ASXL2: variants seen among roughly 807,000 people sequenced by gnomAD.
The protein encoded by ASXL2 is ASXL transcriptional regulator 2.
Under a neutral mutation model 122.0 loss-of-function variants are expected in ASXL2, and 23 were observed. The ratio of observed to expected loss-of-function variants is 0.19; its 90% CI spans 0.14 to 0.27. The LOEUF (loss-of-function observed/expected upper bound fraction) is 0.27, where lower values mean the gene tolerates loss of function less well. ASXL2 is among the 10% of genes least tolerant of loss of function. The probability of loss-of-function intolerance (pLI) is 1.00; values close to 1 mark genes in which losing one functional copy is unlikely to be tolerated. For synonymous variants in ASXL2, 650 were observed against 637.0 expected, an observed-to-expected ratio of 1.02 and a Z score of -0.31; for missense variants, 1,518 against 1,713.8, an observed-to-expected ratio of 0.89 and a Z score of 2.02.
intron 2 of ASXL2, among the ~76,000 whole-genome samples, chr2:25,838,094 CAAAAAGAAAGAAAG>C (rs2089534917): frequency 6.6e-6 from 1 of 151,932 alleles, no homozygotes; most frequent in Non-Finnish European, 1.5e-5. Context: ...GAGACTATCT[CAAAAAGAAAGAAAG>C]AAAAAGAAAG....
At chr2:25,770,769 T>C (rs1332223831) in intron 6 of ASXL2, among the ~76,000 whole-genome samples, 1 of 152,146 alleles carries the variant, frequency 6.6e-6, no homozygotes, top group African/African-American at 2.4e-5. Flanking sequence ...TGTGTGTAAT[T>C]CTCTGTGTTA....
chr2:25,806,888 C>T (rs750594142), intron 3 of ASXL2, among the ~76,000 whole-genome samples: 1 of 151,708 alleles, frequency 6.6e-6, no homozygotes, highest in Non-Finnish European at 1.5e-5. Flanking sequence ...TATTTATCAT[C>T]TTTACTAGAA....
chr2:25,873,724 C>G (rs2089984464), intron 1 of ASXL2, among the ~76,000 whole-genome samples: 1 of 151,044 alleles, frequency 6.6e-6, no homozygotes. Flanking sequence ...TTCCTCATCT[C>G]TAACACCCAC....
chr2:25,768,952 G>GGCCT, intron 6 of ASXL2, 84 bp from the exon 7 acceptor site: 95 of 1,420,318 alleles, frequency 6.7e-5, no homozygotes, highest in Non-Finnish European at 8.6e-5. Context: ...TAAATGGCAA[G>GGCCT]AAGCATGCTG....
intron 3 of ASXL2, among the ~76,000 whole-genome samples, chr2:25,824,474 C>A (rs1231918897): frequency 6.6e-6 from 1 of 150,898 alleles, no homozygotes; most frequent in Non-Finnish European, 1.5e-5. Context: ...TACTAGTGTG[C>A]ACGTACACAC....
At chr2:25,827,855 TAG>T (rs2089396794) in intron 3 of ASXL2, among the ~76,000 whole-genome samples, 1 of 152,154 alleles carries the variant, frequency 6.6e-6, no homozygotes, top group Non-Finnish European at 1.5e-5. Flanking sequence ...AGGAATCGCC[TAG>T]AGAGGGAGGT....
rs1296468899 is a variant in ASXL2, at chr2:25,855,848, AAGAG to A, written c.58-10289_58-10286del. On this transcript the variant is annotated intron_variant, in intron 1 of 12. Coordinates refer to ENST00000435504, the MANE Select transcript of ASXL2 (RefSeq NM_018263.6). ...GAGACTCCGTCTCAAAAAAAAAAAA[AAGAG>A]AGAGAGACAGAAACACAATCTTGAT... is the stretch of plus-strand genomic sequence containing the variant. 7.1e-4 allele frequency among the ~76,000 whole-genome samples: 107 copies of A among 150,766 alleles called. 1 individual carries two copies. Among genetic ancestry groups the A allele is most frequent in the Non-Finnish European group, 1.4e-3 (95 of 67,644 alleles).
At chr2:25,790,798 G>A (rs916401506) in intron 5 of ASXL2, among the ~76,000 whole-genome samples, 1 of 118,202 alleles carries the variant, frequency 8.5e-6, no homozygotes, top group African/African-American at 3.0e-5. Flanking sequence ...ACAGTTTTTT[G>A]TCTTTTTTTT....
chr2:25,794,906 G>A (rs2088890030), intron 5 of ASXL2, among the ~76,000 whole-genome samples: 2 of 152,116 alleles, frequency 1.3e-5, no homozygotes, highest in Admixed American at 6.6e-5. Context: ...ACTCACTGCT[G>A]GCTACATGTC....
intron 5 of ASXL2, among the ~76,000 whole-genome samples, chr2:25,781,392 T>TCC (rs70950121): frequency 1.3e-5 from 2 of 151,668 alleles, no homozygotes; most frequent in African/African-American, 4.9e-5. Context: ...AGAGCAAAAC[T>TCC]GTCTCAAAAA....
intron 3 of ASXL2, chr2:25,822,857 G>A: frequency 1.8e-6 from 1 of 553,342 alleles, no homozygotes; most frequent in Non-Finnish European, 3.6e-6. Flanking sequence ...TGAACAACAT[G>A]GGTGGTGAAG....
intron 2 of ASXL2, 57 bp downstream of exon 2, chr2:25,845,424 T>C: frequency 7.5e-7 from 1 of 1,335,260 alleles, no homozygotes; most frequent in South Asian, 1.5e-5. Flanking sequence ...TATTATATAC[T>C]ACCAAATACT....
At chr2:25,821,881 A>G (rs762637311) in intron 3 of ASXL2, among the ~76,000 whole-genome samples, 4 of 152,222 alleles carry the variant, frequency 2.6e-5, no homozygotes, top group Non-Finnish European at 5.9e-5. Flanking sequence ...TGATGGACGG[A>G]CACTAATGAA....
At chr2:25,865,611 CAA>C (rs35970829) in intron 1 of ASXL2, among the ~76,000 whole-genome samples, 4 of 134,002 alleles carry the variant, frequency 3.0e-5, no homozygotes, top group Non-Finnish European at 4.7e-5. Context: ...ACTAAAAATA[CAA>C]AAAAAAAAAA....
At chr2:25,814,711 T>C (rs1295847113) in intron 3 of ASXL2, among the ~76,000 whole-genome samples, 1 of 152,220 alleles carries the variant, frequency 6.6e-6, no homozygotes, top group Non-Finnish European at 1.5e-5. Flanking sequence ...CCAATGGCCC[T>C]TTTTAGTTCT....
At chr2:25,831,867 C>A (rs189184212) in intron 3 of ASXL2, among the ~76,000 whole-genome samples, 3 of 152,130 alleles carry the variant, frequency 2.0e-5, no homozygotes, top group East Asian at 3.9e-4. Context: ...CACATTACTA[C>A]AGGGAAACAC....
chr2:25,857,284 TCTG>T (rs2089791902), intron 1 of ASXL2, among the ~76,000 whole-genome samples: 1 of 152,132 alleles, frequency 6.6e-6, no homozygotes, highest in Non-Finnish European at 1.5e-5. Context: ...ACGTATTACT[TCTG>T]CTCACATTCT....
intron 11 of ASXL2, among the ~76,000 whole-genome samples, chr2:25,752,811 C>T (rs949242646): frequency 3.3e-5 from 5 of 150,270 alleles, no homozygotes; most frequent in Admixed American, 1.3e-4. Flanking sequence ...CGCCACTGTA[C>T]TCCAGCCTGG....
chr2:25,766,437 C>T (rs2088352425), intron 8 of ASXL2, among the ~76,000 whole-genome samples: 1 of 152,172 alleles, frequency 6.6e-6, no homozygotes, highest in African/African-American at 2.4e-5. Context: ...TTCCAAGTTT[C>T]TTACTTTTTC....
Sources: gnomAD v4.1 joint callset for allele counts (sites outside exome capture counted in the v4.1 genomes callset) on GRCh38, gnomAD v4.1.1 for gene constraint, MANE v1.5 for transcripts, NCBI Gene and HGNC (gene_info 2026-07-23, HGNC 2026-07-21) for gene names.